The following PTPRQ variants were observed in gnomAD, a reference collection of about 807,000 sequenced individuals.
The protein encoded by PTPRQ is protein tyrosine phosphatase receptor type Q, also known as phosphatidylinositol phosphatase PTPRQ.
In PTPRQ, 199 loss-of-function variants were observed where a neutral mutation model predicts 246.0. The observed-to-expected ratio is 0.81, with a 90% confidence interval of 0.72 to 0.91. PTPRQ has a LOEUF of 0.91. PTPRQ is among the 40% of genes least tolerant of loss of function. The pLI, the probability that PTPRQ is intolerant of heterozygous loss-of-function variation, is 0.00. For synonymous variants in PTPRQ, 869 were observed against 853.2 expected, an observed-to-expected ratio of 1.02 and a Z score of -0.32; for missense variants, 2,624 against 2,528.4, an observed-to-expected ratio of 1.04 and a Z score of -0.81.
chr12:80,444,831 G>A lies in PTPRQ; in HGVS notation c.145G>A (p.Val49Met). The change falls in exon 2 of 45, where the codon GTG becomes ATG. Residue 49 changes from valine (V) to methionine (M), a missense_variant. Physicochemically the swap from Val to Met is conservative, Grantham distance 21 (BLOSUM62 1). Transcript: ENST00000644991. Reference sequence around the variant, plus strand: ...ATACACCTCACCTGTTACTAGAATAGTGACAACAAATGTAACAAGTGAGTA... The same window carrying A: ...ATACACCTCACCTGTTACTAGAATAATGACAACAAATGTAACAAGTGAGTA... ...TTYTSPVTRI[V>M]TTNVTKPGPP... The A allele has an allele frequency of 6.6e-7, 1 of 1,523,688 alleles. No individual in the cohort carries two copies. 94.4% of individuals were successfully genotyped at this position (1,523,688 alleles called of 1,614,324 possible).
At chr12:80,547,577 A>C (rs987201142) in intron 24 of PTPRQ, among the ~76,000 whole-genome samples, 1 of 152,162 alleles carries the variant, frequency 6.6e-6, no homozygotes, top group Non-Finnish European at 1.5e-5. Flanking sequence ...CAAATGCAAA[A>C]TAAATAGCAT....
chr12:80,477,680 C>G (rs901539813), intron 8 of PTPRQ, among the ~76,000 whole-genome samples: 1 of 152,074 alleles, frequency 6.6e-6, no homozygotes, highest in South Asian at 2.1e-4. Flanking sequence ...GCACCGTGTG[C>G]GAGCCGAAGC....
chr12:80,521,644 G>C (rs1296526381), intron 17 of PTPRQ, among the ~76,000 whole-genome samples: 2 of 151,638 alleles, frequency 1.3e-5, no homozygotes, highest in East Asian at 1.9e-4. Context: ...GCTTTTTTTT[G>C]TCAGGTTTGT....
chr12:80,674,181 T>C (rs1377693474), intron 43 of PTPRQ, among the ~76,000 whole-genome samples: 1 of 152,132 alleles, frequency 6.6e-6, no homozygotes, highest in Non-Finnish European at 1.5e-5. Flanking sequence ...GGAATTTGTA[T>C]GTTACACAAA....
In PTPRQ at chr12:80,542,787, G is replaced by T. The variant is rs1328431150; in HGVS notation, c.3779G>T (p.Trp1260Leu). Reference sequence around the variant, plus strand: ...ATCAACTGTACTTCAGACTTTGTATGGCTGAAATGGAGCCCAAGTCCTCTT... The same window carrying T: ...ATCAACTGTACTTCAGACTTTGTATTGCTGAAATGGAGCCCAAGTCCTCTT... Reference protein sequence around the residue: ...TLINCTSDFVWLKWSPSPLPG... With the variant: ...TLINCTSDFVLLKWSPSPLPG... Residue 1260 changes from tryptophan (W) to leucine (L), a missense_variant, in exon 23 of 45, where the codon TGG becomes TTG. Transcript: ENST00000644991. The T allele has an allele frequency of 6.5e-7, 1 of 1,549,268 alleles. No individual in the cohort carries two copies. The highest frequency in any genetic ancestry group is 8.7e-7 in the Non-Finnish European group (1 of 1,145,900).
At chr12:80,610,271 G>A (rs1054704693) in intron 27 of PTPRQ, among the ~76,000 whole-genome samples, 168 bp from the exon 28 acceptor site, 1 of 150,482 alleles carries the variant, frequency 6.6e-6, no homozygotes, top group South Asian at 2.1e-4. Context: ...TTAATAATTA[G>A]TAAGCTGTTA....
chr12:80,673,433 T>C, intron 43 of PTPRQ, 129 bp downstream of exon 43: 3 of 1,379,960 alleles, frequency 2.2e-6, no homozygotes, highest in Non-Finnish European at 2.8e-6. Context: ...TTATAAGCCT[T>C]TTGGGGAGGA....
chr12:80,654,013 T>C (rs553011259), intron 38 of PTPRQ, among the ~76,000 whole-genome samples: 1 of 151,804 alleles, frequency 6.6e-6, no homozygotes, highest in East Asian at 1.9e-4. Flanking sequence ...TTTTCTTTCT[T>C]TCTTTTTTTC....
chr12:80,585,859 A>C (rs991980967), intron 25 of PTPRQ, among the ~76,000 whole-genome samples: 1 of 145,248 alleles, frequency 6.9e-6, no homozygotes, highest in Admixed American at 6.8e-5. Flanking sequence ...CATTAGGTAT[A>C]TCTCCCAATG....
chr12:80,649,040 C>G (rs551720365), intron 36 of PTPRQ, 117 bp downstream of exon 36: 1 of 973,000 alleles, frequency 1.0e-6, no homozygotes, highest in Non-Finnish European at 1.4e-6. Flanking sequence ...AACCTCCAAG[C>G]TGGATATAAA....
chr12:80,570,346 T>A, intron 25 of PTPRQ, among the ~76,000 whole-genome samples: 1 of 152,262 alleles, frequency 6.6e-6, no homozygotes, highest in Non-Finnish European at 1.5e-5. Flanking sequence ...TGATGAGCTT[T>A]CTTTCATATT....
Position 80,588,185 on chromosome 12 carries a change from T to C in PTPRQ, c.4342T>C (p.Leu1448=), listed in dbSNP as rs1245298680. The C allele has an allele frequency of 1.3e-6, 2 of 1,550,286 alleles. No homozygotes were observed. Among genetic ancestry groups the C allele is most frequent in the Non-Finnish European group, 8.7e-7 (1 of 1,146,178 alleles). ...FSDVQSTSAT[L]TWIRPDTILG... is the part of the protein sequence containing the mutation. ...TGATGTTCAGTCAACTAGTGCAACATTGACATGGATAAGACCTGACACTAT... is the reference window on the plus strand; with the variant it reads ...TGATGTTCAGTCAACTAGTGCAACACTGACATGGATAAGACCTGACACTAT... The change falls in exon 26 of 45, where the codon TTG becomes CTG. Residue 1448 remains leucine, a synonymous_variant. Coordinates refer to ENST00000644991, the MANE Select transcript of PTPRQ (RefSeq NM_001145026.2).
rs1279460386 is a variant in PTPRQ, at chr12:80,574,579, G to A, written c.4286-13550G>A. ...ATTTGACTTTTAGCTATGTTTCTTT[G>A]TATTATTATTTTTCGTGGCTTCTCA... On this transcript the variant is annotated intron_variant, in intron 25 of 44. Transcript: ENST00000644991. 2.0e-5 allele frequency among the ~76,000 whole-genome samples: 3 copies of A among 151,804 alleles called. No individual in the cohort carries two copies. The East Asian group carries it at 5.8e-4, about 29-fold the overall frequency.
chr12:80,501,235 A>G (rs983034149), intron 14 of PTPRQ, among the ~76,000 whole-genome samples: 2 of 151,934 alleles, frequency 1.3e-5, no homozygotes, highest in African/African-American at 4.8e-5. Context: ...TTTAATTTTA[A>G]TGAGGAGCTT....
intron 30 of PTPRQ, 110 bp downstream of exon 30, chr12:80,616,376 A>G: frequency 9.6e-7 from 1 of 1,041,456 alleles, no homozygotes; most frequent in Non-Finnish European, 1.3e-6. Context: ...AAATATGCAT[A>G]TATTAAGCAC....
At chr12:80,484,947 G>A (rs775665805) in intron 9 of PTPRQ, among the ~76,000 whole-genome samples, 2 of 152,098 alleles carry the variant, frequency 1.3e-5, no homozygotes, top group Non-Finnish European at 2.9e-5. Context: ...CAAAGGCTGT[G>A]CTTGCAATTT....
At chr12:80,606,526 C>G (rs915189356) in intron 27 of PTPRQ, among the ~76,000 whole-genome samples, 1 of 150,892 alleles carries the variant, frequency 6.6e-6, no homozygotes, top group Middle Eastern at 3.2e-3. Context: ...GAAGTATTTC[C>G]TTTGCACCCT....
chr12:80,452,495 G>T (rs1892800626), intron 3 of PTPRQ, among the ~76,000 whole-genome samples: 1 of 152,150 alleles, frequency 6.6e-6, no homozygotes, highest in Non-Finnish European at 1.5e-5. Context: ...ATTTTTCAGT[G>T]GCTGGTACCG....
At chr12:80,450,200 A>G (rs1223137704) in intron 3 of PTPRQ, among the ~76,000 whole-genome samples, 1 of 152,110 alleles carries the variant, frequency 6.6e-6, no homozygotes, top group Non-Finnish European at 1.5e-5. Context: ...GTGTATAAGA[A>G]TGCCTGTGAT....
Sources: allele counts gnomAD v4.1 joint callset (sites outside exome capture counted in the v4.1 genomes callset), GRCh38; gene constraint gnomAD v4.1.1; transcripts MANE v1.5; gene names NCBI Gene and HGNC (gene_info 2026-07-23, HGNC 2026-07-21).